Variants in C17orf67 observed in about 807,000 individuals in gnomAD.
The protein encoded by C17orf67 is uncharacterized protein C17orf67.
A neutral mutation model predicts 11.2 loss-of-function variants in C17orf67; 12 were observed. The ratio of observed to expected loss-of-function variants is 1.07; its 90% CI spans 0.68 to 1.73. The LOEUF (loss-of-function observed/expected upper bound fraction) is 1.73. C17orf67 is among the 40% of genes most tolerant of loss of function. The pLI is 0.00. For synonymous variants in C17orf67, 59 were observed against 46.9 expected (o/e 1.26, Z -1.05); for missense variants, 115 against 113.5 (o/e 1.01, Z -0.06).
chr17:56,796,886 C>T (rs1165152832), intron 6 of C17orf67, among the ~76,000 whole-genome samples: 1 of 150,202 alleles, frequency 6.7e-6, no homozygotes, highest in African/African-American at 2.5e-5. Context: ...GGTGGCCCAC[C>T]AGGGCCACCT....
intron 6 of C17orf67, among the ~76,000 whole-genome samples, chr17:56,813,833 ATAT>A (rs1415248877): frequency 6.6e-6 from 1 of 151,448 alleles, no homozygotes; most frequent in African/African-American, 2.4e-5. Context: ...TATAATAATA[ATAT>A]TATAGTAATA....
At chr17:56,817,903 G>A (rs1049394278) in intron 4 of C17orf67, among the ~76,000 whole-genome samples, 3 of 151,010 alleles carry the variant, frequency 2.0e-5, no homozygotes, top group Admixed American at 6.6e-5. Flanking sequence ...AGGCTGGAGT[G>A]CACGAACTTG....
intron 6 of C17orf67, among the ~76,000 whole-genome samples, chr17:56,810,516 C>T (rs1275151890): frequency 6.6e-6 from 1 of 152,130 alleles, no homozygotes; most frequent in Non-Finnish European, 1.5e-5. Context: ...AAATTCACAG[C>T]ATGGTGCATC....
chr17:56,809,514 C>T (rs1304795465), intron 6 of C17orf67, among the ~76,000 whole-genome samples: 1 of 151,068 alleles, frequency 6.6e-6, no homozygotes, highest in African/African-American at 2.4e-5. Context: ...TCACACACCC[C>T]TCACACATAC....
intron 4 of C17orf67, among the ~76,000 whole-genome samples, 192 bp downstream of exon 4, chr17:56,824,547 A>G: frequency 6.6e-6 from 1 of 152,224 alleles, no homozygotes; most frequent in East Asian, 1.9e-4. Context: ...CCCTGAGCTG[A>G]GCTGCAAAGA....
At chr17:56,826,208 T>G (rs1337035671) in intron 2 of C17orf67, among the ~76,000 whole-genome samples, 2 of 152,116 alleles carry the variant, frequency 1.3e-5, no homozygotes, top group Non-Finnish European at 2.9e-5. Flanking sequence ...CCTGCCTTAG[T>G]CTCCCAAAGT....
chr17:56,807,727 G>C (rs1905487376), intron 6 of C17orf67, among the ~76,000 whole-genome samples: 1 of 151,736 alleles, frequency 6.6e-6, no homozygotes, highest in African/African-American at 2.4e-5. Context: ...TCTCTGTCAG[G>C]ATCTTGAGCC....
chr17:56,803,085 C>T (rs1391462942), intron 6 of C17orf67, among the ~76,000 whole-genome samples: 2 of 152,194 alleles, frequency 1.3e-5, no homozygotes. Context: ...CTGAAGAATG[C>T]CCTGGTGAAA....
chr17:56,815,455 T>C (rs945735244), intron 5 of C17orf67, among the ~76,000 whole-genome samples: 4 of 152,186 alleles, frequency 2.6e-5, no homozygotes, highest in Non-Finnish European at 4.4e-5. Flanking sequence ...ATTATCATCA[T>C]AAAAATATAT....
intron 2 of C17orf67, among the ~76,000 whole-genome samples, chr17:56,830,920 G>A (rs1378112613): frequency 1.3e-5 from 2 of 152,180 alleles, no homozygotes; most frequent in Non-Finnish European, 2.9e-5. Context: ...AGGAAAAGGG[G>A]GTAGAACTGA....
chr17:56,807,653 C>T (rs2144124691), intron 6 of C17orf67, among the ~76,000 whole-genome samples: 1 of 152,260 alleles, frequency 6.6e-6, no homozygotes, highest in East Asian at 1.9e-4. Flanking sequence ...CCTCTAAACA[C>T]AAACCTAGCC....
intron 2 of C17orf67, among the ~76,000 whole-genome samples, chr17:56,826,843 GT>G (rs144094862): frequency 2.7e-3 from 405 of 152,312 alleles, no homozygotes; most frequent in African/African-American, 9.4e-3. Context: ...CTGTGCCTGG[GT>G]TTTTTCATCT....
Position 56,799,984 on chromosome 17 carries a change from G to GTAAA in C17orf67, c.157-4805_157-4804insTTTA, listed in dbSNP as rs1555590469. ...ATACATATTACTTTCTTAAAGTCAT[G>GTAAA]AAAAAAAAAAAGAAAGTTATAAAGA... is the stretch of plus-strand genomic sequence containing the variant. On this transcript the variant is annotated intron_variant, in intron 6 of 7. Coordinates refer to ENST00000397861, the MANE Select transcript of C17orf67 (RefSeq NM_001085430.4). Among the ~76,000 whole-genome samples, 1,298 of 140,362 alleles carry GTAAA rather than the reference G, an allele frequency of 9.2e-3. 7 individuals are homozygous for GTAAA. The highest frequency in any genetic ancestry group is 0.015 in the Non-Finnish European group (975 of 65,786). The allele number at this position is 140,362 out of a possible 152,430, so 92.1% of individuals were successfully genotyped here.
intron 4 of C17orf67, among the ~76,000 whole-genome samples, chr17:56,823,157 G>A (rs921512230): frequency 6.6e-5 from 10 of 152,202 alleles, no homozygotes; most frequent in Admixed American, 2.6e-4. Context: ...TAAGGCTACT[G>A]TCATACGACA....
chr17:56,792,646 A>AG (rs1905126961), intron 7 of C17orf67, among the ~76,000 whole-genome samples: 3 of 97,728 alleles, frequency 3.1e-5, no homozygotes, highest in Admixed American at 2.0e-4. Context: ...GGTGGTGGTG[A>AG]TGGTGCTGAT....
Position 56,815,937 on chromosome 17 carries a change from G to T in C17orf67, c.-127C>A. The T allele has an allele frequency of 2.6e-6, 4 of 1,525,714 alleles. No individual in the cohort carries two copies. The highest frequency in any genetic ancestry group is 3.6e-6 in the Non-Finnish European group (4 of 1,125,402). The allele number at this position is 1,525,714 out of a possible 1,614,324, so 94.5% of individuals were successfully genotyped here. On this transcript the variant is annotated 5_prime_UTR_variant, in exon 5 of 8. Coordinates refer to ENST00000397861, the MANE Select transcript of C17orf67 (RefSeq NM_001085430.4). ...CTAACGGGACTTACGGTATGATGCT[G>T]AATGTATCTGACTCTGAGCGTTTTA...
intron 2 of C17orf67, among the ~76,000 whole-genome samples, chr17:56,828,778 C>T (rs557306216): frequency 2.6e-4 from 38 of 146,630 alleles, no homozygotes; most frequent in African/African-American, 8.4e-4. Context: ...ATGTAACATA[C>T]GAAAAGCAGC....
chr17:56,800,187 TC>T (rs202029518), intron 6 of C17orf67, among the ~76,000 whole-genome samples: 17,969 of 148,906 alleles, frequency 0.12, 1,156 homozygotes, highest in South Asian at 0.16. Flanking sequence ...TGCCTTAGCC[TC>T]CCGAGTAGCT....
chr17:56,826,185 C>T (rs1252227740), intron 2 of C17orf67, among the ~76,000 whole-genome samples: 1 of 152,154 alleles, frequency 6.6e-6, no homozygotes, highest in East Asian at 1.9e-4. Flanking sequence ...AACTCCTGGC[C>T]TCAAGGGATC....
Sources: gnomAD v4.1 joint callset for allele counts (sites outside exome capture counted in the v4.1 genomes callset) on GRCh38, gnomAD v4.1.1 for gene constraint, MANE v1.5 for transcripts, NCBI Gene and HGNC (gene_info 2026-07-23, HGNC 2026-07-21) for gene names.